WDR72: variants seen among roughly 807,000 people sequenced by gnomAD.
WDR72 encodes WD repeat-containing protein 72.
WDR72 carries 120 observed loss-of-function variants against 124.2 expected under a neutral mutation model. The observed-to-expected ratio is 0.97, with a 90% CI of 0.83 to 1.12. The LOEUF (loss-of-function observed/expected upper bound fraction) is 1.12. WDR72 is among the 50% of genes most tolerant of loss of function. The pLI is 0.00. For missense variants in WDR72, 1,387 were observed against 1,278.8 expected (o/e 1.08, Z -1.29); for synonymous variants, 452 against 441.7 (o/e 1.02, Z -0.29).
At chr15:53,565,340 A>C (rs1176446425) in intron 18 of WDR72, among the ~76,000 whole-genome samples, 1 of 151,878 alleles carries the variant, frequency 6.6e-6, no homozygotes, top group Admixed American at 6.6e-5. Flanking sequence ...CACAGAAAAA[A>C]AGTGTGTAAA....
intron 13 of WDR72, among the ~76,000 whole-genome samples, chr15:53,676,268 C>T (rs1567020313): frequency 6.6e-6 from 1 of 152,160 alleles, no homozygotes; most frequent in African/African-American, 2.4e-5. Flanking sequence ...ATTCCCTCCC[C>T]TTTGAATATG....
chr15:53,534,548 C>T (rs1892649184), intron 18 of WDR72, among the ~76,000 whole-genome samples: 1 of 152,108 alleles, frequency 6.6e-6, no homozygotes, highest in Non-Finnish European at 1.5e-5. Context: ...TCTCACAGGA[C>T]ATCCCATTTT....
At chr15:53,655,970 C>T (rs116939792) in intron 14 of WDR72, among the ~76,000 whole-genome samples, 2,013 of 152,316 alleles carry the variant, frequency 0.013, 33 homozygotes, top group East Asian at 0.069. Flanking sequence ...GGATTACAGG[C>T]GTGAGCCATG....
At chr15:53,680,103 A>G (rs776731237) in intron 13 of WDR72, among the ~76,000 whole-genome samples, 6 of 152,194 alleles carry the variant, frequency 3.9e-5, no homozygotes, top group Non-Finnish European at 5.9e-5. Context: ...GTAGGCCTAT[A>G]CTCCAAATAA....
intron 18 of WDR72, among the ~76,000 whole-genome samples, chr15:53,539,428 A>G (rs192001846): frequency 2.0e-5 from 3 of 152,252 alleles, no homozygotes; most frequent in Non-Finnish European, 4.4e-5. Context: ...GAGAGTGCAT[A>G]AAAAGCAGGA....
At chr15:53,599,656 T>C (rs770866744) in intron 17 of WDR72, among the ~76,000 whole-genome samples, 1 of 152,150 alleles carries the variant, frequency 6.6e-6, no homozygotes, top group African/African-American at 2.4e-5. Flanking sequence ...ATGCCTTCAC[T>C]GGGCTTATGG....
chr15:53,661,882 T>C (rs2015620957), intron 14 of WDR72, among the ~76,000 whole-genome samples: 1 of 152,136 alleles, frequency 6.6e-6, no homozygotes, highest in Non-Finnish European at 1.5e-5. Flanking sequence ...GGACCTATTC[T>C]ACAGAAAATC....
At chr15:53,572,469 G>A (rs1363065748) in intron 18 of WDR72, among the ~76,000 whole-genome samples, 2 of 151,832 alleles carry the variant, frequency 1.3e-5, no homozygotes, top group East Asian at 3.9e-4. Flanking sequence ...TTATGTTTTC[G>A]AAGAGCTCAT....
chr15:53,683,556 G>A (rs2140484831), intron 13 of WDR72, among the ~76,000 whole-genome samples: 1 of 152,098 alleles, frequency 6.6e-6, no homozygotes, highest in Middle Eastern at 3.4e-3. Flanking sequence ...TGAATCCTAT[G>A]AAACAACTGT....
At chr15:53,530,196 A>G (rs1232199813) in intron 18 of WDR72, among the ~76,000 whole-genome samples, 1 of 151,334 alleles carries the variant, frequency 6.6e-6, no homozygotes, top group African/African-American at 2.4e-5. Flanking sequence ...AAAATAAGAA[A>G]CATTACTTCT....
chr15:53,669,574 T>G (rs2015918947), intron 13 of WDR72, among the ~76,000 whole-genome samples: 2 of 152,346 alleles, frequency 1.3e-5, no homozygotes, highest in Non-Finnish European at 2.9e-5. Context: ...TGCATCATTT[T>G]TTTTCCTGAT....
At chr15:53,563,267 C>A (rs1246902944) in intron 18 of WDR72, among the ~76,000 whole-genome samples, 1 of 151,646 alleles carries the variant, frequency 6.6e-6, no homozygotes, top group Non-Finnish European at 1.5e-5. Context: ...AACAAGCAGA[C>A]TAATTTATTA....
chr15:53,517,676 A>G lies in WDR72; in HGVS notation c.*23T>C, dbSNP rs1398290111. ...TGGATTTCTTAATTTGTCCAAATTC[A>G]GCTCCTACTGATGAGATTCCATTTA... is the stretch of plus-strand genomic sequence containing the variant. On this transcript the variant is annotated 3_prime_UTR_variant, in exon 20 of 20. Coordinates refer to ENST00000360509, the MANE Select transcript of WDR72 (RefSeq NM_182758.4). 1.9e-6 allele frequency: 3 copies of G among 1,611,656 alleles called. No homozygotes were observed. In the Admixed American group the frequency reaches 5.0e-5, roughly 27 times the overall value.
chr15:53,541,356 C>G (rs1893120371), intron 18 of WDR72, among the ~76,000 whole-genome samples: 2 of 152,128 alleles, frequency 1.3e-5, no homozygotes, highest in African/African-American at 4.8e-5. Context: ...AGCAGCCTAA[C>G]TGGGAGGCAC....
chr15:53,706,398 CTATGTGTACACAT>C (rs146065426), intron 9 of WDR72, among the ~76,000 whole-genome samples: 37,290 of 111,362 alleles, frequency 0.33, 7,753 homozygotes, highest in Middle Eastern at 0.59. Flanking sequence ...ATATATATGG[CTATGTGTACACAT>C]TACTGCAAGG....
At chr15:53,550,558 A>C (rs528877345) in intron 18 of WDR72, among the ~76,000 whole-genome samples, 1 of 152,160 alleles carries the variant, frequency 6.6e-6, no homozygotes, top group African/African-American at 2.4e-5. Flanking sequence ...TAAACAAAAA[A>C]CTTTCTCTGC....
At chr15:53,758,577 A>G (rs2018974493) in intron 1 of WDR72, among the ~76,000 whole-genome samples, 1 of 152,124 alleles carries the variant, frequency 6.6e-6, no homozygotes, top group Non-Finnish European at 1.5e-5. Flanking sequence ...AACCACAAGT[A>G]CTTGCATGAC....
intron 13 of WDR72, among the ~76,000 whole-genome samples, chr15:53,691,104 C>T (rs532262647): frequency 4.2e-4 from 64 of 152,280 alleles, no homozygotes; most frequent in Non-Finnish European, 4.3e-4. Context: ...GGCTGGAGCA[C>T]AGTGGCACGA....
chr15:53,699,636 C>A lies in WDR72; in HGVS notation c.1765+114G>T, dbSNP rs7176417. 11,438 of 1,160,370 alleles carry A rather than the reference C, an allele frequency of 9.9e-3. 859 individuals are homozygous for A. The African/African-American group carries it at 0.16, about 16-fold the overall frequency. 71.9% of individuals were successfully genotyped at this position (1,160,370 alleles called of 1,614,324 possible). A position where few individuals can be genotyped will look rare whatever the true frequency, so the allele number is the denominator to read the frequency against. ...CTGAAGCCATTAAATGCAGCCCAAA[C>A]AAAGGTTAAAGCAAGTGAGGTCATC... is the stretch of plus-strand genomic sequence containing the variant. On this transcript the variant is annotated intron_variant, in intron 13 of 19. Transcript: ENST00000360509.
Sources: allele counts gnomAD v4.1 joint callset (sites outside exome capture counted in the v4.1 genomes callset), GRCh38; gene constraint gnomAD v4.1.1; transcripts MANE v1.5; gene names NCBI Gene and HGNC (gene_info 2026-07-23, HGNC 2026-07-21).